ADD3: variants seen among roughly 807,000 people sequenced by gnomAD.
The protein encoded by ADD3 is gamma-adducin.
Under a neutral mutation model 80.2 loss-of-function variants are expected in ADD3, and 25 were observed. The ratio of observed to expected loss-of-function variants is 0.31; its 90% CI spans 0.23 to 0.44. The LOEUF is 0.44. Among genes scored for constraint, ADD3 ranks in the 20% least tolerant of loss-of-function variants. ADD3 has a pLI of 1.00. For synonymous variants in ADD3, 284 were observed against 289.6 expected (o/e 0.98, Z 0.20); for missense variants, 829 against 847.5 (o/e 0.98, Z 0.27).
chr10:110,088,239 A>G (rs1033949974), intron 1 of ADD3, among the ~76,000 whole-genome samples: 2 of 152,172 alleles, frequency 1.3e-5, no homozygotes, highest in African/African-American at 4.8e-5. Flanking sequence ...ACACTATTCA[A>G]CCACTATAGT....
chr10:110,075,801 T>TA (rs2133701352), intron 1 of ADD3: 1 of 152,222 alleles, frequency 6.6e-6, no homozygotes, highest in East Asian at 1.9e-4. Context: ...GTTGAAAAAA[T>TA]AAATCATGCT....
chr10:110,038,875 T>C (rs1324876197), intron 1 of ADD3, among the ~76,000 whole-genome samples: 1 of 152,180 alleles, frequency 6.6e-6, no homozygotes, highest in African/African-American at 2.4e-5. Flanking sequence ...CCATTAACAA[T>C]GATGTTTATT....
At position 110,127,744 on chromosome 10, in the gene ADD3, T is replaced by C. The variant is rs540598237; in HGVS notation, c.1608+1241T>C. On this transcript the variant is annotated intron_variant, in intron 12 of 14. Transcript: ENST00000356080. ...CTAAATTGGTTGCTCTCAGGCCAGC[T>C]GCACAGGTTCATCTGGAGGATTCCT... Among the ~76,000 whole-genome samples, 7 of 152,370 alleles carry C rather than the reference T, an allele frequency of 4.6e-5. No homozygotes were observed. In the South Asian group the frequency reaches 1.4e-3, roughly 32 times the overall value.
At chr10:110,053,497 C>T (rs1273898114) in intron 1 of ADD3, among the ~76,000 whole-genome samples, 1 of 151,534 alleles carries the variant, frequency 6.6e-6, no homozygotes, top group African/African-American at 2.4e-5. Context: ...TGCTGTAATA[C>T]CCAAGACTAT....
At chr10:110,112,326 G>A (rs143721337) in intron 2 of ADD3, 138 of 153,672 alleles carry the variant, frequency 9.0e-4, no homozygotes, top group Admixed American at 2.9e-3. Flanking sequence ...CTCCATGTTG[G>A]TCAAGCTGGT....
chr10:110,092,795 A>C (rs7924008), intron 1 of ADD3, among the ~76,000 whole-genome samples: 3,484 of 151,752 alleles, frequency 0.023, 54 homozygotes, highest in African/African-American at 0.044. Context: ...GAAAAAAAAA[A>C]CCCCTCAGTT....
intron 1 of ADD3, among the ~76,000 whole-genome samples, chr10:110,081,706 C>T (rs113257946): frequency 6.6e-6 from 1 of 152,292 alleles, no homozygotes; most frequent in African/African-American, 2.4e-5. Context: ...TATTGTGCTT[C>T]ACCTATTATG....
intron 1 of ADD3, among the ~76,000 whole-genome samples, chr10:110,062,537 A>G (rs1455963490): frequency 1.3e-5 from 2 of 152,060 alleles, no homozygotes; most frequent in African/African-American, 4.8e-5. Context: ...CTGTGATCTC[A>G]CCACTGCACT....
At chr10:110,049,935 T>A (rs995393595) in intron 1 of ADD3, among the ~76,000 whole-genome samples, 6 of 152,022 alleles carry the variant, frequency 3.9e-5, no homozygotes, top group African/African-American at 1.4e-4. Flanking sequence ...ATTTTGGGAC[T>A]TACATGGGGT....
chr10:110,054,331 T>G (rs1010491384), intron 1 of ADD3, among the ~76,000 whole-genome samples: 3 of 152,158 alleles, frequency 2.0e-5, no homozygotes, highest in African/African-American at 7.2e-5. Context: ...GCTGCTATTA[T>G]TTGTGTGTAA....
chr10:110,004,578 G>T (rs1851560845), upstream of ADD3, among the ~76,000 whole-genome samples: 3 of 151,600 alleles, frequency 2.0e-5, no homozygotes, highest in Admixed American at 1.3e-4. Flanking sequence ...CAAAGTGCTG[G>T]GATTACAGGC....
chr10:109,997,154 A>C (rs1851396812), intron 1 of ADD3, among the ~76,000 whole-genome samples: 1 of 152,182 alleles, frequency 6.6e-6, no homozygotes, highest in Admixed American at 6.5e-5. Flanking sequence ...GGGTTTTATG[A>C]GGTCTTCGTA....
At chr10:110,004,856 G>GT (rs1302726069), upstream of ADD3, among the ~76,000 whole-genome samples, 2 of 151,530 alleles carry the variant, frequency 1.3e-5, no homozygotes, top group Admixed American at 6.6e-5. Context: ...AAGATAAAAT[G>GT]TAAGGTTATA....
chr10:110,074,512 G>A (rs1040783491), intron 1 of ADD3, among the ~76,000 whole-genome samples: 22 of 152,154 alleles, frequency 1.4e-4, no homozygotes, highest in African/African-American at 5.1e-4. Context: ...GTTGATTGGA[G>A]GGCAAAAGGG....
chr10:110,020,674 A>C (rs1167791556), intron 1 of ADD3, among the ~76,000 whole-genome samples: 1 of 152,196 alleles, frequency 6.6e-6, no homozygotes, highest in Non-Finnish European at 1.5e-5. Flanking sequence ...CATAGTGAGC[A>C]AGTGTAGATG....
At chr10:110,084,689 A>C (rs1162276550) in intron 1 of ADD3, among the ~76,000 whole-genome samples, 1 of 152,210 alleles carries the variant, frequency 6.6e-6, no homozygotes, top group Non-Finnish European at 1.5e-5. Flanking sequence ...AACATCTTTA[A>C]ATTCTAAGGA....
At chr10:110,122,385 C>T in intron 9 of ADD3, 93 bp downstream of exon 9, 3 of 1,156,492 alleles carry the variant, frequency 2.6e-6, no homozygotes, top group Non-Finnish European at 3.7e-6. Flanking sequence ...CCATACTCTT[C>T]CAGAAGCTGA....
In ADD3 at chr10:110,021,385, A is replaced by C. The variant is rs191574483; in HGVS notation, c.-30+13086A>C. ...ATAGGTATATACCCAAGAGAATTGA[A>C]AATGTGTTCCCACAAAAAAATTGTA... On this transcript the variant is annotated intron_variant, in intron 1 of 14. Coordinates refer to ENST00000356080, the MANE Select transcript of ADD3 (RefSeq NM_016824.5). 3.9e-3 allele frequency among the ~76,000 whole-genome samples: 590 copies of C among 152,348 alleles called. 3 individuals are homozygous for C. The highest frequency in any genetic ancestry group is 0.012 in the African/African-American group (517 of 41,576).
chr10:110,112,712 T>A, intron 2 of ADD3, 65 bp from the exon 3 acceptor site: 4 of 1,544,576 alleles, frequency 2.6e-6, no homozygotes, highest in Non-Finnish European at 3.5e-6. Context: ...ATTGATTGTA[T>A]CGGAACAAGT....
Sources: allele counts gnomAD v4.1 joint callset (sites outside exome capture counted in the v4.1 genomes callset), GRCh38; gene constraint gnomAD v4.1.1; transcripts MANE v1.5; gene names NCBI Gene and HGNC (gene_info 2026-07-23, HGNC 2026-07-21).